The following ME3 variants were observed in gnomAD, a reference collection of about 807,000 sequenced individuals.
ME3 encodes the protein NADP-dependent malic enzyme, mitochondrial.
In ME3, 48 loss-of-function variants were observed where a neutral mutation model predicts 68.9. The observed-to-expected ratio is 0.70, with a 90% confidence interval of 0.55 to 0.89. The LOEUF (loss-of-function observed/expected upper bound fraction) is 0.89, where lower values mean the gene tolerates loss of function less well. Ranked by LOEUF, ME3 falls within the 40% of genes least tolerant of loss-of-function variation. ME3 has a pLI of 0.00. For missense variants in ME3, 675 were observed against 797.4 expected, an observed-to-expected ratio of 0.85 and a Z score of 1.85; for synonymous variants, 320 against 318.8, an observed-to-expected ratio of 1.00 and a Z score of -0.04.
rs573162306 is a variant in ME3 at position 86,648,758 on chromosome 11, C to T, written c.183+23004G>A. On this transcript the variant is annotated intron_variant, in intron 2 of 14. Transcript: ENST00000543262. ...AAAAATGTGAATAAATTCCTGGACACATACACCCTCCCAAGAAGACAAATC... is the reference window on the plus strand; with the variant it reads ...AAAAATGTGAATAAATTCCTGGACATATACACCCTCCCAAGAAGACAAATC... Among the ~76,000 whole-genome samples the T allele has an allele frequency of 2.6e-5, 4 of 152,216 alleles. No individual in the cohort carries two copies. The South Asian group carries it at 8.3e-4, about 32-fold the overall frequency.
chr11:86,591,432 G>T (rs1228793326), intron 2 of ME3, among the ~76,000 whole-genome samples: 1 of 152,210 alleles, frequency 6.6e-6, no homozygotes, highest in African/African-American at 2.4e-5. Context: ...AATATGATGG[G>T]TGTCATAGCA....
rs1258041222 is a variant in ME3 at position 86,672,048 on chromosome 11, G to A, written c.-14-90C>T. 20 of 1,093,970 alleles carry A rather than the reference G, an allele frequency of 1.8e-5. No homozygotes were observed. The East Asian group carries it at 6.5e-4, about 36-fold the overall frequency. The allele number at this position is 1,093,970 out of a possible 1,614,324, so 67.8% of individuals were successfully genotyped here. On this transcript the variant is annotated intron_variant, in intron 1 of 14. Transcript: ENST00000543262. ...GGGGCACCGGGCCTGATCCGGGGAC[G>A]CGCCCTCTGGGAGAGGGCAGGTGCT...
At chr11:86,663,382 A>G (rs767394776) in intron 2 of ME3, among the ~76,000 whole-genome samples, 4 of 152,170 alleles carry the variant, frequency 2.6e-5, no homozygotes, top group Non-Finnish European at 5.9e-5. Flanking sequence ...CTGCATGGCA[A>G]CCTTTCAGAT....
chr11:86,435,722 G>T, the ME3 span: 2 of 152,260 alleles, frequency 1.3e-5, no homozygotes, highest in African/African-American at 4.8e-5. Context: ...AGAGAAACAG[G>T]ATAGGGCATA....
At chr11:86,590,081 G>A (rs936954520) in intron 2 of ME3, among the ~76,000 whole-genome samples, 1 of 152,168 alleles carries the variant, frequency 6.6e-6, no homozygotes, top group African/African-American at 2.4e-5. Context: ...CTTGGCCCAC[G>A]GAGGACTAAA....
chr11:86,528,508 A>G (rs1315462643), intron 4 of ME3, among the ~76,000 whole-genome samples: 2 of 152,210 alleles, frequency 1.3e-5, no homozygotes, highest in Non-Finnish European at 2.9e-5. Flanking sequence ...AAGTGGACCT[A>G]ATAGACATCT....
At chr11:86,639,170 G>C (rs1442967891) in intron 2 of ME3, among the ~76,000 whole-genome samples, 2 of 152,172 alleles carry the variant, frequency 1.3e-5, no homozygotes, top group Non-Finnish European at 2.9e-5. Flanking sequence ...AAAGTTTGCT[G>C]TTATTATTGT....
intron 2 of ME3, among the ~76,000 whole-genome samples, chr11:86,582,266 A>C (rs1034764088): frequency 2.0e-5 from 3 of 152,198 alleles, no homozygotes; most frequent in African/African-American, 7.2e-5. Context: ...GTGCCCATCT[A>C]CTAATCAGTA....
chr11:86,651,908 T>G (rs1250487928), intron 2 of ME3, among the ~76,000 whole-genome samples: 1 of 152,182 alleles, frequency 6.6e-6, no homozygotes, highest in Non-Finnish European at 1.5e-5. Context: ...AAGGACCTCA[T>G]GGAGCTGAAA....
At chr11:86,553,644 G>A (rs1489170187) in intron 4 of ME3, among the ~76,000 whole-genome samples, 1 of 152,206 alleles carries the variant, frequency 6.6e-6, no homozygotes, top group African/African-American at 2.4e-5. Context: ...ACGTATTCGA[G>A]AAGTCTGAAC....
chr11:86,586,588 G>A (rs1017907523), intron 2 of ME3, among the ~76,000 whole-genome samples: 4 of 152,198 alleles, frequency 2.6e-5, no homozygotes, highest in Non-Finnish European at 1.5e-5. Context: ...ATAAGCTGGT[G>A]CCAAAGTCCT....
At chr11:86,594,355 A>G (rs1393227754) in intron 2 of ME3, among the ~76,000 whole-genome samples, 1 of 146,250 alleles carries the variant, frequency 6.8e-6, no homozygotes, top group Non-Finnish European at 1.5e-5. Context: ...ACCTCATCAT[A>G]AAATACAAGT....
At chr11:86,602,984 A>G (rs894546292) in intron 2 of ME3, among the ~76,000 whole-genome samples, 1 of 152,216 alleles carries the variant, frequency 6.6e-6, no homozygotes, top group African/African-American at 2.4e-5. Context: ...TTAGACCTAA[A>G]ACCATAAAAA....
intron 2 of ME3, among the ~76,000 whole-genome samples, chr11:86,634,610 G>A (rs1359899860): frequency 6.6e-6 from 1 of 152,172 alleles, no homozygotes; most frequent in Non-Finnish European, 1.5e-5. Context: ...CATACCTGGG[G>A]TATTGTCTAC....
At chr11:86,648,699 A>C (rs1003510332) in intron 2 of ME3, among the ~76,000 whole-genome samples, 1 of 152,184 alleles carries the variant, frequency 6.6e-6, no homozygotes, top group African/African-American at 2.4e-5. Flanking sequence ...AGAATACTAT[A>C]AACACCTCTA....
intron 7 of ME3, among the ~76,000 whole-genome samples, chr11:86,481,818 C>G (rs1467497681): frequency 1.3e-5 from 2 of 152,180 alleles, no homozygotes; most frequent in Non-Finnish European, 2.9e-5. Flanking sequence ...GCTTAGGTCA[C>G]AAGGCTCCTC....
rs914518644 is a variant in ME3, at chr11:86,463,019, G to A, written c.919+2072C>T. 3.3e-5 allele frequency among the ~76,000 whole-genome samples: 5 copies of A among 152,290 alleles called. No homozygotes were observed. The East Asian group carries it at 5.8e-4, about 18-fold the overall frequency. On this transcript the variant is annotated intron_variant, in intron 8 of 14. Transcript: ENST00000543262. ...GGGCAGAGAGCAGAAGAAAGATCCC[G>A]AAGTCTTATATTTTCATTGAAGGGG...
intron 4 of ME3, among the ~76,000 whole-genome samples, chr11:86,513,369 G>A (rs780310777): frequency 2.3e-4 from 35 of 152,072 alleles, no homozygotes; most frequent in Non-Finnish European, 4.0e-4. Flanking sequence ...CCTAAACTGC[G>A]GCTAGCTACA....
chr11:86,669,980 G>C lies in ME3; in HGVS notation c.183+1782C>G, dbSNP rs117026254. On this transcript the variant is annotated intron_variant, in intron 2 of 14. Transcript: ENST00000543262. ...TTCTACATCCATTCCTCCTCCTTCT[G>C]ATGACACTATCCATATTTACTGTGA... 2.1e-3 allele frequency among the ~76,000 whole-genome samples: 327 copies of C among 152,238 alleles called. 1 individual carries two copies. Among genetic ancestry groups the C allele is most frequent in the South Asian group, 7.0e-3 (34 of 4,824 alleles).
Sources: allele counts gnomAD v4.1 joint callset (sites outside exome capture counted in the v4.1 genomes callset), GRCh38; gene constraint gnomAD v4.1.1; transcripts MANE v1.5; gene names NCBI Gene and HGNC (gene_info 2026-07-23, HGNC 2026-07-21).